Variants in SSBP2 observed in about 807,000 individuals in gnomAD.
The protein encoded by SSBP2 is single stranded DNA binding protein 2, also known as single-stranded DNA-binding protein 2.
Under a neutral mutation model 61.8 loss-of-function variants are expected in SSBP2, and 17 were observed. That is an observed-to-expected ratio of 0.28 (90% confidence interval 0.19 to 0.41). The LOEUF (loss-of-function observed/expected upper bound fraction) is 0.41. Among genes scored for constraint, SSBP2 ranks in the 10% least tolerant of loss-of-function variants. The pLI, the probability that SSBP2 is intolerant of heterozygous loss-of-function variation, is 1.00. For synonymous variants in SSBP2, 139 were observed against 141.3 expected (o/e 0.98, Z 0.12); for missense variants, 310 against 458.7 (o/e 0.68, Z 2.96).
chr5:81,696,760 A>C (rs1448055703), intron 1 of SSBP2, among the ~76,000 whole-genome samples: 1 of 152,228 alleles, frequency 6.6e-6, no homozygotes, highest in Non-Finnish European at 1.5e-5. Context: ...AGAGGGGGGC[A>C]GCATATAGAG....
chr5:81,607,578 T>C (rs1745004090), intron 4 of SSBP2, among the ~76,000 whole-genome samples: 3 of 152,196 alleles, frequency 2.0e-5, no homozygotes, highest in Non-Finnish European at 4.4e-5. Context: ...AAAGGGCTAA[T>C]ATGTTGAGAG....
intron 4 of SSBP2, among the ~76,000 whole-genome samples, chr5:81,526,743 G>A (rs1769971963): frequency 6.6e-6 from 1 of 151,852 alleles, no homozygotes; most frequent in Non-Finnish European, 1.5e-5. Context: ...ATGTGACATT[G>A]TGCTCAGCAG....
chr5:81,465,251 G>A (rs1218997771), intron 9 of SSBP2, among the ~76,000 whole-genome samples: 1 of 151,850 alleles, frequency 6.6e-6, no homozygotes, highest in Non-Finnish European at 1.5e-5. Context: ...AAAATATGAT[G>A]TAATTGAAAA....
At chr5:81,611,522 A>C (rs191061403) in intron 4 of SSBP2, among the ~76,000 whole-genome samples, 1,581 of 152,268 alleles carry the variant, frequency 0.01, 14 homozygotes, top group Non-Finnish European at 0.016. Flanking sequence ...TGAATTTTAC[A>C]TCTCCAATTG....
intron 4 of SSBP2, among the ~76,000 whole-genome samples, chr5:81,576,662 T>A (rs1466059269): frequency 1.3e-5 from 2 of 152,070 alleles, no homozygotes; most frequent in African/African-American, 4.8e-5. Flanking sequence ...GAAACAGAAA[T>A]AAGAAACTTT....
chr5:81,517,234 T>C (rs1169896709), intron 4 of SSBP2, among the ~76,000 whole-genome samples: 3 of 152,072 alleles, frequency 2.0e-5, no homozygotes, highest in Non-Finnish European at 4.4e-5. Context: ...TCAGTGCAGA[T>C]ATAACAATAT....
At chr5:81,480,625 C>T (rs1765917105) in intron 6 of SSBP2, among the ~76,000 whole-genome samples, 1 of 152,154 alleles carries the variant, frequency 6.6e-6, no homozygotes, top group Non-Finnish European at 1.5e-5. Flanking sequence ...AGGCTGGTCT[C>T]AAACTCCTGG....
intron 1 of SSBP2, among the ~76,000 whole-genome samples, chr5:81,699,782 TTTTAAA>T (rs1753841411): frequency 6.6e-6 from 1 of 152,050 alleles, no homozygotes; most frequent in African/African-American, 2.4e-5. Context: ...TTCCAGAAAA[TTTTAAA>T]TTTACTTTGC....
In SSBP2 at chr5:81,586,123, T is replaced by C. The variant is rs539924610; in HGVS notation, c.282+29350A>G. ...ATGAACATGGGAATGCAAATATCTC[T>C]TTGACATACTTATTTCATTTCCTTT... On this transcript the variant is annotated intron_variant, in intron 4 of 16. Coordinates refer to ENST00000320672, the MANE Select transcript of SSBP2 (RefSeq NM_012446.5). Among the ~76,000 whole-genome samples, 10 of 152,352 alleles carry C rather than the reference T, an allele frequency of 6.6e-5. No individual in the cohort carries two copies. The South Asian group carries it at 2.1e-3, about 32-fold the overall frequency.
At chr5:81,665,768 G>A (rs1751069073) in intron 1 of SSBP2, among the ~76,000 whole-genome samples, 1 of 152,220 alleles carries the variant, frequency 6.6e-6, no homozygotes, top group Non-Finnish European at 1.5e-5. Context: ...GCCTCCCAAA[G>A]TGCTGGGATT....
Position 81,751,081 on chromosome 5 carries a change from C to A in SSBP2, c.-39G>T, listed in dbSNP as rs773764522. ...GCAGCTCCCACTGTCACGCACCTGT[C>A]AACCCATCACAGCCTCCCCGGGAAC... On this transcript the variant is annotated 5_prime_UTR_variant, in exon 1 of 17. An upstream open reading frame in the 5' UTR loses its in-frame stop. Transcript: ENST00000320672. 1 of 1,560,748 alleles carries A rather than the reference C, an allele frequency of 6.4e-7. No individual in the cohort carries two copies. The highest frequency in any genetic ancestry group is 1.2e-5 in the South Asian group (1 of 84,916).
rs749896266 is a variant in SSBP2, at chr5:81,587,761, G to GCACA, written c.282+27711_282+27712insTGTG. Among the ~76,000 whole-genome samples, 542 of 129,468 alleles carry GCACA rather than the reference G, an allele frequency of 4.2e-3. 5 individuals are homozygous for GCACA. The highest frequency in any genetic ancestry group is 0.013 in the African/African-American group (519 of 38,770). 84.9% of individuals were successfully genotyped at this position (129,468 alleles called of 152,430 possible). On this transcript the variant is annotated intron_variant, in intron 4 of 16. Coordinates refer to ENST00000320672, the MANE Select transcript of SSBP2 (RefSeq NM_012446.5). ...TACACACACACGCACACACACGCGC[G>GCACA]CGCACACACACACACACACACACTA...
At chr5:81,548,661 G>A (rs778615481) in intron 4 of SSBP2, among the ~76,000 whole-genome samples, 32 of 152,118 alleles carry the variant, frequency 2.1e-4, no homozygotes, top group Non-Finnish European at 3.5e-4. Flanking sequence ...AGTGGCTCAC[G>A]CCTGTAATCC....
chr5:81,751,136 CA>C, upstream of SSBP2: 1 of 1,338,468 alleles, frequency 7.5e-7, no homozygotes, highest in Non-Finnish European at 1.0e-6. Context: ...CCCACGCAGC[CA>C]CCCCCACTAT....
chr5:81,688,760 C>T (rs1753000760), intron 1 of SSBP2, among the ~76,000 whole-genome samples: 2 of 152,030 alleles, frequency 1.3e-5, no homozygotes, highest in South Asian at 4.1e-4. Context: ...TAAGGAAAGG[C>T]ACAACAAGCC....
chr5:81,581,304 T>G (rs1385121991), intron 4 of SSBP2, among the ~76,000 whole-genome samples: 1 of 152,150 alleles, frequency 6.6e-6, no homozygotes, highest in African/African-American at 2.4e-5. Flanking sequence ...GGCGACAGGA[T>G]GGATAGAAGG....
intron 4 of SSBP2, among the ~76,000 whole-genome samples, chr5:81,522,741 T>C (rs1769587992): frequency 6.6e-6 from 1 of 152,112 alleles, no homozygotes; most frequent in Non-Finnish European, 1.5e-5. Flanking sequence ...AATTTATTTT[T>C]AGCACCACGT....
chr5:81,491,585 T>C (rs998670830), intron 5 of SSBP2, among the ~76,000 whole-genome samples: 27 of 152,178 alleles, frequency 1.8e-4, no homozygotes, highest in African/African-American at 6.5e-4. Context: ...GGTCAGTGTA[T>C]GTGCTAGCTG....
chr5:81,573,927 T>G (rs1581059604), intron 4 of SSBP2, among the ~76,000 whole-genome samples: 1 of 151,754 alleles, frequency 6.6e-6, no homozygotes, highest in African/African-American at 2.4e-5. Flanking sequence ...AATCACAAGG[T>G]CAGGAGATTG....
Sources: gnomAD v4.1 joint callset for allele counts (sites outside exome capture counted in the v4.1 genomes callset) on GRCh38, gnomAD v4.1.1 for gene constraint, MANE v1.5 for transcripts, NCBI Gene and HGNC (gene_info 2026-07-23, HGNC 2026-07-21) for gene names.